TP53BP1: variants seen among roughly 807,000 people sequenced by gnomAD.
TP53BP1 encodes the protein TP53-binding protein 1.
In TP53BP1, 61 loss-of-function variants were observed where a neutral mutation model predicts 200.8. The ratio of observed to expected loss-of-function variants is 0.30; its 90% CI spans 0.25 to 0.38. The LOEUF is 0.38. TP53BP1 is among the 10% of genes least tolerant of loss of function. The pLI is 1.00. For synonymous variants in TP53BP1, 822 were observed against 844.3 expected, an observed-to-expected ratio of 0.97 and a Z score of 0.46; for missense variants, 2,144 against 2,371.9, an observed-to-expected ratio of 0.90 and a Z score of 2.00.
intron 26 of TP53BP1, 104 bp downstream of exon 26, chr15:43,408,793 C>T: frequency 8.7e-7 from 1 of 1,147,826 alleles, no homozygotes; most frequent in Non-Finnish European, 1.3e-6. Context: ...ATCCCACAGA[C>T]ATTCCAATTT....
chr15:43,413,157 A>T lies in TP53BP1; in HGVS notation c.5267T>A (p.Leu1756Gln), dbSNP rs1446132451. 1 of 1,614,050 alleles carries T rather than the reference A, an allele frequency of 6.2e-7. No homozygotes were observed. The highest frequency in any genetic ancestry group is 1.3e-5 in the African/African-American group (1 of 74,906). The change falls in exon 24 of 28, where the codon CTG (leucine) becomes CAG (glutamine). Residue 1756 changes from leucine (L) to glutamine (Q), a missense_variant. Physicochemically the swap from Leu to Gln is moderately radical, Grantham distance 113. Coordinates refer to ENST00000382044, the MANE Select transcript of TP53BP1 (RefSeq NM_001141980.3). ...TSDKLASRSKLPDGPTGSSEE... is the reference protein window; with the variant it reads ...TSDKLASRSKQPDGPTGSSEE... ...ACTGCTTCCTGTAGGACCATCTGGC[A>T]GTTTGGAGCGGCTGGCCAACTTGTC... is the stretch of plus-strand genomic sequence containing the variant.
chr15:43,415,479 G>A (rs556900594), intron 23 of TP53BP1, 115 bp downstream of exon 23: 23 of 1,146,292 alleles, frequency 2.0e-5, no homozygotes, highest in African/African-American at 1.5e-4. Flanking sequence ...GCAGGACCCC[G>A]ACTTTATAGC....
rs2046688927 is a variant in TP53BP1 at position 43,470,078 on chromosome 15, C to G, written c.1181-12G>C. 3.1e-6 allele frequency: 5 copies of G among 1,603,820 alleles called. No homozygotes were observed. Among genetic ancestry groups the G allele is most frequent in the Non-Finnish European group, 4.3e-6 (5 of 1,172,816 alleles). ...GTCCATTGGCTTATCTGGTTTAAAA[C>G]AGGAGAAACAAATTGAGAAATATCA... is the stretch of plus-strand genomic sequence containing the variant. On this transcript the variant is annotated splice_polypyrimidine_tract_variant and intron_variant, in intron 10 of 27. Transcript: ENST00000382044.
intron 1 of TP53BP1, among the ~76,000 whole-genome samples, chr15:43,509,431 CAG>C (rs1407669155): frequency 6.6e-6 from 1 of 152,158 alleles, no homozygotes; most frequent in African/African-American, 2.4e-5. Context: ...TGTTTTGAAA[CAG>C]AGTCTCACTC....
rs1246622320 is a variant in TP53BP1 at position 43,413,132 on chromosome 15, A to C, written c.5292T>G (p.Ser1764Arg). ...SKLPDGPTGS[S>R]EEEEEFLEIP... is the part of the protein sequence containing the mutation. ...CTAAGGCCTTACCCTCCTCTTCTTC[A>C]CTGCTTCCTGTAGGACCATCTGGCA... Residue 1764 changes from serine (S) to arginine (R), a missense_variant, in exon 24 of 28, where the codon AGT becomes AGG. Physicochemically the swap from Ser to Arg is moderately radical, Grantham distance 110. This residue lies in a region of TP53BP1 where 334 missense variants were observed against 453.4 expected (regional missense o/e 0.74). Coordinates refer to ENST00000382044, the MANE Select transcript of TP53BP1 (RefSeq NM_001141980.3). The C allele has an allele frequency of 6.2e-7, 1 of 1,614,012 alleles. No individual in the cohort carries two copies. Among genetic ancestry groups the C allele is most frequent in the Non-Finnish European group, 8.5e-7 (1 of 1,180,026 alleles).
At position 43,408,989 on chromosome 15, in the gene TP53BP1, G is replaced by T; in HGVS notation, c.5508C>A (p.Val1836=). The T allele has an allele frequency of 6.2e-7, 1 of 1,614,164 alleles. No individual in the cohort carries two copies. Among genetic ancestry groups the T allele is most frequent in the Non-Finnish European group, 8.5e-7 (1 of 1,180,024 alleles). Residue 1836 remains valine, a synonymous_variant, in exon 26 of 28, where the codon GTC becomes GTA. Coordinates refer to ENST00000382044, the MANE Select transcript of TP53BP1 (RefSeq NM_001141980.3). The part of the protein sequence containing the change: ...SGIPCVSHVW[V]HDSCHANQLQ... ...GCTGGTTGGCATGGCAACTATCATG[G>T]ACCCAGACATGAGACACACAAGGAA...
At chr15:43,469,800 CA>C in intron 11 of TP53BP1, 57 bp downstream of exon 11, 1 of 1,375,488 alleles carries the variant, frequency 7.3e-7, no homozygotes, top group Non-Finnish European at 1.0e-6. Context: ...AATTATACCC[CA>C]ATAATGCTGC....
At position 43,407,253 on chromosome 15, in the gene TP53BP1, A is replaced by AAAG. The variant is rs2044931989; in HGVS notation, c.*127_*129dup. ...GAGATTCAACATTTATTTTATCATA[A>AAAG]AAGTTCAGCAAATAAAACTATATAC... On this transcript the variant is annotated 3_prime_UTR_variant, in exon 28 of 28. Coordinates refer to ENST00000382044, the MANE Select transcript of TP53BP1 (RefSeq NM_001141980.3). 1 of 745,782 alleles carries AAAG rather than the reference A, an allele frequency of 1.3e-6. No homozygotes were observed. Among genetic ancestry groups the AAAG allele is most frequent in the Non-Finnish European group, 2.2e-6 (1 of 460,978 alleles). The allele number at this position is 745,782 out of a possible 1,614,324, so 46.2% of individuals were successfully genotyped here. A position where few individuals can be genotyped will look rare whatever the true frequency, so the allele number is the denominator to read the frequency against.
intron 11 of TP53BP1, among the ~76,000 whole-genome samples, chr15:43,463,370 C>T (rs927503216): frequency 6.6e-6 from 1 of 152,146 alleles, no homozygotes; most frequent in African/African-American, 2.4e-5. Flanking sequence ...AATCTCTTTA[C>T]ACATATTTAA....
At position 43,455,889 on chromosome 15, in the gene TP53BP1, C is replaced by T; in HGVS notation, c.2716+3G>A. The T allele has an allele frequency of 6.2e-7, 1 of 1,612,894 alleles. No individual in the cohort carries two copies. The highest frequency in any genetic ancestry group is 1.1e-5 in the South Asian group (1 of 90,702). ...GACAAGAATAATCTACAATCACACT[C>T]ACCACTAGAACTTTCACAGAAGCTT... is the stretch of plus-strand genomic sequence containing the variant. On this transcript the variant is annotated splice_donor_region_variant and intron_variant, in intron 12 of 27. Coordinates refer to ENST00000382044, the MANE Select transcript of TP53BP1 (RefSeq NM_001141980.3).
rs574131646 is a variant in TP53BP1 at position 43,489,467 on chromosome 15, A to T, written c.371+2202T>A. ...ACCATAAACTTAAATGCCCACAGAAATCAAAGCAAGATAACATAGATGAGT... is the reference window on the plus strand; with the variant it reads ...ACCATAAACTTAAATGCCCACAGAATTCAAAGCAAGATAACATAGATGAGT... On this transcript the variant is annotated intron_variant, in intron 4 of 27. Transcript: ENST00000382044. Among the ~76,000 whole-genome samples, 7 of 152,388 alleles carry T rather than the reference A, an allele frequency of 4.6e-5. 1 individual carries two copies. In the South Asian group the frequency reaches 1.4e-3, roughly 32 times the overall value.
intron 22 of TP53BP1, among the ~76,000 whole-genome samples, 193 bp from the exon 23 acceptor site, chr15:43,416,002 T>C (rs917769527): frequency 7.9e-5 from 12 of 152,230 alleles, no homozygotes; most frequent in Middle Eastern, 3.4e-3. Flanking sequence ...TAGTCCCCTA[T>C]AGAACTGAGG....
intron 11 of TP53BP1, among the ~76,000 whole-genome samples, chr15:43,464,226 AAAACT>A (rs1320376530): frequency 1.3e-5 from 2 of 152,252 alleles, no homozygotes; most frequent in Non-Finnish European, 2.9e-5. Context: ...CAAAACAAAC[AAAACT>A]AAAGTCCACC....
chr15:43,476,633 A>T (rs959431796), intron 8 of TP53BP1, among the ~76,000 whole-genome samples: 1 of 152,224 alleles, frequency 6.6e-6, no homozygotes, highest in Non-Finnish European at 1.5e-5. Context: ...AAAACCTTAC[A>T]ACTTTAGTAA....
rs889415735 is a variant in TP53BP1 at position 43,413,384 on chromosome 15, A to C, written c.5090-50T>G. Reference sequence around the variant, plus strand: ...CTAGAGGGATACACACCATTGCCTCAGCAAAAGCCTTAACACCAAAAGGCC... The same window carrying C: ...CTAGAGGGATACACACCATTGCCTCCGCAAAAGCCTTAACACCAAAAGGCC... On this transcript the variant is annotated intron_variant, in intron 23 of 27. Transcript: ENST00000382044. 3 of 1,520,332 alleles carry C rather than the reference A, an allele frequency of 2.0e-6. No individual in the cohort carries two copies. In the African/African-American group the frequency reaches 4.1e-5, roughly 21 times the overall value. 94.2% of individuals were successfully genotyped at this position (1,520,332 alleles called of 1,614,324 possible). A position where few individuals can be genotyped will look rare whatever the true frequency, so the allele number is the denominator to read the frequency against.
intron 10 of TP53BP1, among the ~76,000 whole-genome samples, chr15:43,472,489 A>G (rs1333901020): frequency 6.6e-6 from 1 of 152,224 alleles, no homozygotes; most frequent in Non-Finnish European, 1.5e-5. Context: ...TAGGTAAGTG[A>G]AAAGGAAAGC....
intron 16 of TP53BP1, among the ~76,000 whole-genome samples, chr15:43,433,494 TTATC>T (rs1407192731): frequency 6.6e-6 from 1 of 152,244 alleles, no homozygotes; most frequent in Non-Finnish European, 1.5e-5. Flanking sequence ...CATTCATGTC[TTATC>T]TATCTTTATA....
intron 4 of TP53BP1, among the ~76,000 whole-genome samples, chr15:43,490,071 C>T (rs1284684738): frequency 6.6e-6 from 1 of 151,868 alleles, no homozygotes; most frequent in Non-Finnish European, 1.5e-5. Context: ...GACCACCATG[C>T]CCTGCTATTT....
chr15:43,442,551 G>A (rs2439841), intron 14 of TP53BP1, among the ~76,000 whole-genome samples: 39,464 of 151,412 alleles, frequency 0.26, 8,245 homozygotes, highest in African/African-American at 0.58. Flanking sequence ...AGGCTAGAGT[G>A]CAGCGGCGTA....
Sources: allele counts gnomAD v4.1 joint callset (sites outside exome capture counted in the v4.1 genomes callset), GRCh38; gene constraint gnomAD v4.1.1; regional missense constraint gnomAD v4.1.1; transcripts MANE v1.5; gene names NCBI Gene and HGNC (gene_info 2026-07-23, HGNC 2026-07-21).